The following SFMBT1 variants were observed in gnomAD, a reference collection of about 807,000 sequenced individuals.
The protein encoded by SFMBT1 is Scm like with four mbt domains 1.
Under a neutral mutation model 108.7 loss-of-function variants are expected in SFMBT1, and 32 were observed. The observed-to-expected ratio is 0.29, with a 90% confidence interval of 0.22 to 0.40. The LOEUF is 0.40. Among genes scored for constraint, SFMBT1 ranks in the 10% least tolerant of loss-of-function variants. The pLI, the probability that SFMBT1 is intolerant of heterozygous loss-of-function variation, is 1.00. For synonymous variants in SFMBT1, 348 were observed against 369.5 expected, an observed-to-expected ratio of 0.94 and a Z score of 0.67; for missense variants, 816 against 1,059.6, an observed-to-expected ratio of 0.77 and a Z score of 3.19.
intron 1 of SFMBT1, among the ~76,000 whole-genome samples, chr3:53,008,769 G>A (rs1349146597): frequency 6.6e-6 from 1 of 150,774 alleles, no homozygotes; most frequent in Non-Finnish European, 1.5e-5. Flanking sequence ...CGAGTAGCTG[G>A]GACTACAAGG....
chr3:52,913,700 C>T lies in SFMBT1; in HGVS notation c.1481-83G>A, dbSNP rs189583441. On this transcript the variant is annotated intron_variant, in intron 14 of 20. Transcript: ENST00000394752. ...AAGCTGAACTGCCAGGGAAGAAAAA[C>T]GAAGCACATGTACCATTATATTAAT... 243 of 1,429,364 alleles carry T rather than the reference C, an allele frequency of 1.7e-4. No homozygotes were observed. The African/African-American group carries it at 2.9e-3, about 17-fold the overall frequency. 88.5% of individuals were successfully genotyped at this position (1,429,364 alleles called of 1,614,324 possible).
At chr3:52,963,157 C>T (rs1575405433) in intron 2 of SFMBT1, among the ~76,000 whole-genome samples, 1 of 151,566 alleles carries the variant, frequency 6.6e-6, no homozygotes, top group Admixed American at 6.6e-5. Flanking sequence ...CCATGCCCAG[C>T]TGATTTTTTG....
In SFMBT1 at chr3:52,913,622, G is replaced by C. The variant is rs757123919; in HGVS notation, c.1481-5C>G. ...AATATTTTCCATTAATCATAACTGGGAAATGAAGAAAAACAAATATTCAAA... is the reference window on the plus strand; with the variant it reads ...AATATTTTCCATTAATCATAACTGGCAAATGAAGAAAAACAAATATTCAAA... On this transcript the variant is annotated splice_polypyrimidine_tract_variant and splice_region_variant and intron_variant, in intron 14 of 20. Coordinates refer to ENST00000394752, the MANE Select transcript of SFMBT1 (RefSeq NM_016329.4). 2 of 1,611,966 alleles carry C rather than the reference G, an allele frequency of 1.2e-6. No individual in the cohort carries two copies. The highest frequency in any genetic ancestry group is 2.7e-5 in the African/African-American group (2 of 74,806).
rs777103316 is a variant in SFMBT1 at position 52,920,571 on chromosome 3, G to A, written c.1338C>T (p.Asn446=). ...GGCGAGGAGTGCTGAGGGGGTGGCC[G>A]TTGGTTTCACACCAGCCCAAAGGAA... ...DIFPLGWCET[N]GHPLSTPRRA... is the part of the protein sequence containing the mutation. Residue 446 remains asparagine, a synonymous_variant, in exon 12 of 21, where the codon AAC becomes AAT. Transcript: ENST00000394752. 2.1e-5 allele frequency: 34 copies of A among 1,613,822 alleles called. No individual in the cohort carries two copies. The highest frequency in any genetic ancestry group is 1.7e-4 in the Admixed American group (10 of 59,962).
At chr3:52,973,171 C>G (rs1704407802) in intron 1 of SFMBT1, among the ~76,000 whole-genome samples, 1 of 152,148 alleles carries the variant, frequency 6.6e-6, no homozygotes, top group Non-Finnish European at 1.5e-5. Context: ...GAGCAATGAT[C>G]ACACCACTGC....
intron 1 of SFMBT1, among the ~76,000 whole-genome samples, chr3:52,994,524 G>C (rs1443747440): frequency 6.7e-6 from 1 of 150,300 alleles, no homozygotes; most frequent in African/African-American, 2.4e-5. Flanking sequence ...TTTTGAGACG[G>C]AGTCTCGCTC....
intron 3 of SFMBT1, among the ~76,000 whole-genome samples, chr3:52,945,344 G>C (rs1703331400): frequency 6.6e-6 from 1 of 151,836 alleles, no homozygotes; most frequent in South Asian, 2.1e-4. Flanking sequence ...AAAATAAATA[G>C]TGAGAGTAAT....
At chr3:52,970,139 T>A (rs562233206) in intron 1 of SFMBT1, among the ~76,000 whole-genome samples, 1 of 152,020 alleles carries the variant, frequency 6.6e-6, no homozygotes, top group South Asian at 2.1e-4. Context: ...TATTGGGATA[T>A]AAGCCACATA....
intron 16 of SFMBT1, 45 bp downstream of exon 16, chr3:52,912,493 T>G (rs1559507896): frequency 6.5e-7 from 1 of 1,541,882 alleles, no homozygotes; most frequent in Admixed American, 1.7e-5. Context: ...TGTGACTTTT[T>G]AAAGACAAGT....
chr3:52,952,789 G>A (rs966193061), intron 3 of SFMBT1, among the ~76,000 whole-genome samples: 13 of 152,126 alleles, frequency 8.5e-5, no homozygotes, highest in East Asian at 5.8e-4. Flanking sequence ...TCATACCAAC[G>A]CAATGGGGAT....
intron 8 of SFMBT1, among the ~76,000 whole-genome samples, chr3:52,929,774 T>C (rs563187677): frequency 3.3e-5 from 5 of 152,360 alleles, no homozygotes; most frequent in Non-Finnish European, 7.3e-5. Context: ...CCTTCTGCTC[T>C]AGTTGGAAAC....
chr3:53,011,415 C>A (rs571045495), intron 1 of SFMBT1, among the ~76,000 whole-genome samples: 1 of 152,262 alleles, frequency 6.6e-6, no homozygotes, highest in East Asian at 1.9e-4. Context: ...ACATATAATA[C>A]ATAAAAGTTC....
At chr3:52,976,094 G>C (rs1394976914) in intron 1 of SFMBT1, among the ~76,000 whole-genome samples, 1 of 151,888 alleles carries the variant, frequency 6.6e-6, no homozygotes, top group African/African-American at 2.4e-5. Flanking sequence ...CATGACACAA[G>C]GCAAGTTCCT....
chr3:52,918,639 G>A (rs779477508), intron 12 of SFMBT1, 113 bp from the exon 13 acceptor site: 136 of 548,658 alleles, frequency 2.5e-4, no homozygotes, highest in Non-Finnish European at 3.3e-4. Flanking sequence ...GTGTGAGTGT[G>A]TGTGTATATA....
chr3:52,972,744 A>AACACACACACACACACAC (rs55859723), intron 1 of SFMBT1, among the ~76,000 whole-genome samples: 3 of 95,092 alleles, frequency 3.2e-5, no homozygotes, highest in African/African-American at 4.4e-5. Context: ...ATCTCTACTA[A>AACACACACACACACACAC]ACACACACAC....
At chr3:52,969,044 A>G in intron 2 of SFMBT1, 57 bp downstream of exon 2, 1 of 1,591,170 alleles carries the variant, frequency 6.3e-7, no homozygotes, top group East Asian at 2.2e-5. Context: ...AATATAACAC[A>G]GGCAAGTAAT....
chr3:52,972,834 T>C (rs1016709677), intron 1 of SFMBT1, among the ~76,000 whole-genome samples: 1 of 111,888 alleles, frequency 8.9e-6, no homozygotes, highest in African/African-American at 4.1e-5. Flanking sequence ...AAACCCCATC[T>C]CTACTAAACA....
chr3:52,912,522 CA>C lies in SFMBT1; in HGVS notation c.1730+15del. 1 of 1,602,104 alleles carries C rather than the reference CA, an allele frequency of 6.2e-7. No individual in the cohort carries two copies. Among genetic ancestry groups the C allele is most frequent in the Non-Finnish European group, 8.6e-7 (1 of 1,169,110 alleles). ...GACAAGTAAAAGTAAAGAGTAAAAACAAGTAGTCCACTCACTTGGCTTTTAG... is the reference window on the plus strand; with the variant it reads ...GACAAGTAAAAGTAAAGAGTAAAAACAGTAGTCCACTCACTTGGCTTTTAG... On this transcript the variant is annotated intron_variant, in intron 16 of 20. Transcript: ENST00000394752.
chr3:53,036,354 G>C (rs904663368), intron 1 of SFMBT1, among the ~76,000 whole-genome samples: 8 of 152,158 alleles, frequency 5.3e-5, no homozygotes, highest in African/African-American at 1.7e-4. Context: ...TTGAACAAAG[G>C]GTTCCACAAC....
Sources: allele counts gnomAD v4.1 joint callset (sites outside exome capture counted in the v4.1 genomes callset), GRCh38; gene constraint gnomAD v4.1.1; transcripts MANE v1.5; gene names NCBI Gene and HGNC (gene_info 2026-07-23, HGNC 2026-07-21).